Variants in ITPR2 observed in about 807,000 individuals in gnomAD.
ITPR2 encodes the protein inositol 1,4,5-trisphosphate-gated calcium channel ITPR2.
A neutral mutation model predicts 317.1 loss-of-function variants in ITPR2; 207 were observed. The observed-to-expected ratio is 0.65, with a 90% CI of 0.58 to 0.73. The LOEUF (loss-of-function observed/expected upper bound fraction) is 0.73, where lower values mean the gene tolerates loss of function less well. Among genes scored for constraint, ITPR2 ranks in the 30% least tolerant of loss-of-function variants. ITPR2 has a pLI of 0.00. For missense variants in ITPR2, 2,613 were observed against 3,284.0 expected, an observed-to-expected ratio of 0.80 and a Z score of 4.99; for synonymous variants, 1,156 against 1,149.1, an observed-to-expected ratio of 1.01 and a Z score of -0.12.
At chr12:26,496,845 G>A (rs995222544) in intron 37 of ITPR2, among the ~76,000 whole-genome samples, 13 of 151,376 alleles carry the variant, frequency 8.6e-5, no homozygotes, top group Admixed American at 7.2e-4. Flanking sequence ...TTGGGAGGCT[G>A]AGGCAGGAGA....
chr12:26,695,544 C>A, intron 10 of ITPR2, 62 bp downstream of exon 10: 1 of 1,370,910 alleles, frequency 7.3e-7, no homozygotes, highest in Non-Finnish European at 1.0e-6. Flanking sequence ...AAATTCCAAT[C>A]TATCCATATA....
chr12:26,711,860 T>C (rs1298857887), intron 8 of ITPR2, among the ~76,000 whole-genome samples: 2 of 152,206 alleles, frequency 1.3e-5, no homozygotes, highest in South Asian at 2.1e-4. Flanking sequence ...GCCACGTAGA[T>C]TGGAAGAGAG....
intron 13 of ITPR2, 71 bp downstream of exon 13, chr12:26,681,802 TC>T (rs2136960811): frequency 1.9e-6 from 2 of 1,067,324 alleles, no homozygotes; most frequent in Non-Finnish European, 2.8e-6. Context: ...TTAGAGTCAT[TC>T]ATTCATATCA....
At chr12:26,660,850 A>AAT (rs1329708139) in intron 15 of ITPR2, among the ~76,000 whole-genome samples, 1 of 152,072 alleles carries the variant, frequency 6.6e-6, no homozygotes, top group Non-Finnish European at 1.5e-5. Context: ...TTCAATATTA[A>AAT]ATATATGGGT....
chr12:26,819,371 T>C (rs568099971), intron 1 of ITPR2, among the ~76,000 whole-genome samples: 1 of 152,222 alleles, frequency 6.6e-6, no homozygotes, highest in Non-Finnish European at 1.5e-5. Context: ...AGATATGATA[T>C]AAATTAACGA....
intron 2 of ITPR2, among the ~76,000 whole-genome samples, chr12:26,743,966 T>C (rs1417087834): frequency 6.6e-6 from 1 of 152,350 alleles, no homozygotes; most frequent in East Asian, 1.9e-4. Flanking sequence ...AAAATAGATC[T>C]AGCAACCGAT....
intron 34 of ITPR2, among the ~76,000 whole-genome samples, chr12:26,569,220 C>A (rs757924334): frequency 1.5e-4 from 23 of 151,902 alleles, no homozygotes; most frequent in Middle Eastern, 3.4e-3. Flanking sequence ...AAAAATATTG[C>A]ATGCCAAAAA....
At chr12:26,639,527 A>T (rs1047167114) in intron 21 of ITPR2, among the ~76,000 whole-genome samples, 3 of 151,500 alleles carry the variant, frequency 2.0e-5, no homozygotes, top group Non-Finnish European at 4.4e-5. Flanking sequence ...CGTGCTGGTT[A>T]GTTACATATG....
chr12:26,660,172 G>C (rs1947465553), intron 15 of ITPR2, among the ~76,000 whole-genome samples: 1 of 152,206 alleles, frequency 6.6e-6, no homozygotes, highest in Non-Finnish European at 1.5e-5. Flanking sequence ...GGCCATTGTA[G>C]CTAGGCAGTG....
In ITPR2 at chr12:26,831,793, T is replaced by C. The variant is rs1027141264; in HGVS notation, c.92+897A>G. Among the ~76,000 whole-genome samples the C allele has an allele frequency of 1.6e-5, 2 of 125,828 alleles. No individual in the cohort carries two copies. Among genetic ancestry groups the C allele is most frequent in the Non-Finnish European group, 3.3e-5 (2 of 60,958 alleles). The allele number at this position is 125,828 out of a possible 152,430, so 82.5% of individuals were successfully genotyped here. On this transcript the variant is annotated intron_variant, in intron 1 of 56. Coordinates refer to ENST00000381340, the MANE Select transcript of ITPR2 (RefSeq NM_002223.4). This position sits in a 1 kb window ranked among gnomAD's most constrained non-coding sequence, Gnocchi z 4.9. ...ATATTCTACATAAAATATATAAATATATATTATACATAAAATATATAAATA... is the reference window on the plus strand; with the variant it reads ...ATATTCTACATAAAATATATAAATACATATTATACATAAAATATATAAATA...
intron 45 of ITPR2, among the ~76,000 whole-genome samples, chr12:26,457,101 G>C (rs1162837633): frequency 6.6e-6 from 1 of 152,216 alleles, no homozygotes; most frequent in Non-Finnish European, 1.5e-5. Flanking sequence ...TCTGTTGGTG[G>C]AGGAGACATA....
intron 37 of ITPR2, among the ~76,000 whole-genome samples, chr12:26,496,775 G>C (rs12370748): frequency 0.42 from 63,878 of 151,486 alleles, 14,947 homozygotes; most frequent in Non-Finnish European, 0.53. Flanking sequence ...AACCCCGTCT[G>C]TACTAAAAAT....
intron 26 of ITPR2, among the ~76,000 whole-genome samples, chr12:26,609,123 G>A (rs527849163): frequency 6.6e-6 from 1 of 152,176 alleles, no homozygotes; most frequent in Admixed American, 6.5e-5. Flanking sequence ...TGAGAGGGAC[G>A]AATCAGCACT....
chr12:26,390,177 C>T (rs569357885), intron 54 of ITPR2, among the ~76,000 whole-genome samples: 24 of 152,276 alleles, frequency 1.6e-4, no homozygotes, highest in African/African-American at 5.3e-4. Context: ...AATGGTGCAG[C>T]AGCTACTTTG....
chr12:26,821,093 A>G (rs1313417373), intron 1 of ITPR2, among the ~76,000 whole-genome samples: 3 of 152,222 alleles, frequency 2.0e-5, no homozygotes, highest in African/African-American at 7.2e-5. Context: ...TGTCCTTAAT[A>G]TCACTGAATT....
intron 55 of ITPR2, among the ~76,000 whole-genome samples, chr12:26,351,404 G>C (rs2171520): frequency 1.3e-5 from 2 of 152,066 alleles, no homozygotes; most frequent in Non-Finnish European, 2.9e-5. Flanking sequence ...GCATTCTCCC[G>C]GATCCCTATT....
At chr12:26,413,913 C>T (rs1329779529) in intron 51 of ITPR2, among the ~76,000 whole-genome samples, 1 of 152,100 alleles carries the variant, frequency 6.6e-6, no homozygotes, top group African/African-American at 2.4e-5. Flanking sequence ...ATAACTACTG[C>T]ACACATTTTG....
chr12:26,663,876 T>C, intron 14 of ITPR2, 30 bp from the exon 15 acceptor site: 4 of 1,551,336 alleles, frequency 2.6e-6, no homozygotes, highest in Non-Finnish European at 3.5e-6. Context: ...CCACCTATTC[T>C]GATGAATAAA....
intron 37 of ITPR2, among the ~76,000 whole-genome samples, chr12:26,546,589 C>A (rs968438057): frequency 1.5e-4 from 23 of 152,004 alleles, no homozygotes; most frequent in African/African-American, 5.6e-4. Context: ...GTTGGAATAG[C>A]CAAAGCAATC....
Sources: gnomAD v4.1 joint callset for allele counts (sites outside exome capture counted in the v4.1 genomes callset) on GRCh38, gnomAD v4.1.1 for gene constraint, Gnocchi (gnomAD v3.1) non-coding constraint, MANE v1.5 for transcripts, NCBI Gene and HGNC (gene_info 2026-07-23, HGNC 2026-07-21) for gene names.